The following DNAH8 variants were observed in gnomAD, a reference collection of about 807,000 sequenced individuals.
The protein encoded by DNAH8 is axonemal beta dynein heavy chain 8.
A neutral mutation model predicts 562.1 loss-of-function variants in DNAH8; 382 were observed. The ratio of observed to expected loss-of-function variants is 0.68; its 90% confidence interval spans 0.63 to 0.74. The LOEUF (loss-of-function observed/expected upper bound fraction) is 0.74, where lower values mean the gene tolerates loss of function less well. Among genes scored for constraint, DNAH8 ranks in the 30% least tolerant of loss-of-function variants. The probability of loss-of-function intolerance (pLI) is 0.00; values close to 1 mark genes in which losing one functional copy is unlikely to be tolerated. For missense variants in DNAH8, 5,203 were observed against 5,620.4 expected (o/e 0.93, Z 2.37); for synonymous variants, 1,881 against 1,919.4 (o/e 0.98, Z 0.52).
chr6:38,941,537 G>C (rs116373161), intron 79 of DNAH8, among the ~76,000 whole-genome samples: 2 of 152,162 alleles, frequency 1.3e-5, no homozygotes, highest in Non-Finnish European at 2.9e-5. Flanking sequence ...TATGGAAGTT[G>C]GTTTTTTAAG....
chr6:38,999,576 T>C (rs1466085539), intron 88 of DNAH8, among the ~76,000 whole-genome samples: 1 of 152,012 alleles, frequency 6.6e-6, no homozygotes. Context: ...TCTCCTGTGT[T>C]TTGAGGACTA....
chr6:38,807,543 T>C (rs1425171169), intron 23 of DNAH8, 67 bp from the exon 24 acceptor site: 6 of 718,714 alleles, frequency 8.3e-6, no homozygotes, highest in East Asian at 3.0e-5. Flanking sequence ...TATTCTGTCA[T>C]TGTTTTGGGG....
Position 38,722,850 on chromosome 6 carries a change from C to T in DNAH8, c.41C>T (p.Ala14Val). 6.2e-7 allele frequency: 1 copy of T among 1,608,844 alleles called. No individual in the cohort carries two copies. The highest frequency in any genetic ancestry group is 1.1e-5 in the South Asian group (1 of 90,664). Residue 14 changes from alanine (A) to valine (V), a missense_variant, in exon 2 of 93, where the codon GCA becomes GTA. Physicochemically the swap from Ala to Val is moderately conservative, Grantham distance 64 (BLOSUM62 0). Coordinates refer to ENST00000327475, the MANE Select transcript of DNAH8 (RefSeq NM_001206927.2). ...GAAGATGGCGCCCCTTCTGAGGGAG[C>T]AGAGGCTCCTCCCTCTACGGAAGAG... is the stretch of plus-strand genomic sequence containing the variant. The part of the protein sequence containing the change: ...DAEDGAPSEG[A>V]EAPPSTEEAA...
intron 10 of DNAH8, among the ~76,000 whole-genome samples, chr6:38,761,285 A>G (rs1387314661): frequency 2.1e-5 from 2 of 97,342 alleles, no homozygotes; most frequent in Non-Finnish European, 3.8e-5. Context: ...AACAGTCCCC[A>G]GAGTGTGATG....
chr6:38,826,425 G>A (rs1286211302), intron 29 of DNAH8, 34 bp downstream of exon 29: 7 of 1,421,784 alleles, frequency 4.9e-6, no homozygotes, highest in African/African-American at 1.4e-5. Flanking sequence ...TTCTTGGAAT[G>A]CTTTTTTGTT....
intron 41 of DNAH8, among the ~76,000 whole-genome samples, chr6:38,855,322 C>G (rs971169992): frequency 6.6e-6 from 1 of 151,998 alleles, no homozygotes; most frequent in Non-Finnish European, 1.5e-5. Flanking sequence ...CACACGTTTA[C>G]CTATGTAAGA....
At chr6:38,759,360 C>A (rs1678672) in intron 10 of DNAH8, among the ~76,000 whole-genome samples, 17,532 of 151,872 alleles carry the variant, frequency 0.12, 1,791 homozygotes, top group East Asian at 0.44. Flanking sequence ...AACGAAAAAA[C>A]CCACATGAAT....
intron 33 of DNAH8, among the ~76,000 whole-genome samples, chr6:38,841,788 G>GCT (rs1438413234): frequency 1.3e-5 from 2 of 151,850 alleles, no homozygotes; most frequent in Non-Finnish European, 2.9e-5. Flanking sequence ...TGCAATCATA[G>GCT]CTCACTGCAT....
chr6:38,761,574 G>A, intron 10 of DNAH8, 128 bp from the exon 11 acceptor site: 1 of 477,430 alleles, frequency 2.1e-6, no homozygotes. Context: ...GGGATTACAG[G>A]CATGAGCCAC....
At chr6:38,873,727 TACACAC>T (rs762717515) in intron 52 of DNAH8, among the ~76,000 whole-genome samples, 3,042 of 96,446 alleles carry the variant, frequency 0.032, 107 homozygotes, top group African/African-American at 0.089. Context: ...CACATACACC[TACACAC>T]ACACACACAC....
chr6:38,938,307 A>G (rs1783133312), intron 78 of DNAH8, 81 bp downstream of exon 78: 2 of 1,484,972 alleles, frequency 1.3e-6, no homozygotes, highest in African/African-American at 2.8e-5. Flanking sequence ...TTGCTTTTTC[A>G]CTATTCACAA....
intron 58 of DNAH8, among the ~76,000 whole-genome samples, chr6:38,892,375 C>T (rs1285555985): frequency 6.6e-6 from 1 of 152,198 alleles, no homozygotes; most frequent in Non-Finnish European, 1.5e-5. Context: ...CATGTCCAAA[C>T]AGAACTCCTA....
At chr6:38,924,834 A>G (rs950958129) in intron 73 of DNAH8, 3 of 152,156 alleles carry the variant, frequency 2.0e-5, no homozygotes, top group Admixed American at 6.5e-5. Flanking sequence ...ATTATTTGCT[A>G]TCTTTTTTAG....
chr6:38,849,756 A>G (rs962370324), intron 37 of DNAH8, among the ~76,000 whole-genome samples: 4 of 152,172 alleles, frequency 2.6e-5, no homozygotes, highest in African/African-American at 9.6e-5. Context: ...TTCATAGTAA[A>G]TAGAAAATTT....
At chr6:38,966,800 GC>G (rs1307386960) in intron 82 of DNAH8, among the ~76,000 whole-genome samples, 4 of 152,272 alleles carry the variant, frequency 2.6e-5, no homozygotes, top group African/African-American at 9.6e-5. Context: ...AGACTGGGTA[GC>G]TTATAAGCAT....
chr6:38,981,188 T>C (rs1425220582), intron 85 of DNAH8, among the ~76,000 whole-genome samples: 1 of 152,166 alleles, frequency 6.6e-6, no homozygotes, highest in African/African-American at 2.4e-5. Flanking sequence ...CCTTAGGCAC[T>C]AGAATTAGGG....
At chr6:38,762,887 C>T (rs188606309) in intron 11 of DNAH8, 94 of 265,594 alleles carry the variant, frequency 3.5e-4, no homozygotes, top group African/African-American at 2.2e-3. Context: ...TTGCTCTGAC[C>T]TCTGAACTGG....
chr6:38,953,975 C>T (rs563648536), intron 82 of DNAH8, among the ~76,000 whole-genome samples: 1 of 152,052 alleles, frequency 6.6e-6, no homozygotes, highest in South Asian at 2.1e-4. Flanking sequence ...CTTTCTTTTT[C>T]ATTCCTTCTC....
intron 62 of DNAH8, 146 bp downstream of exon 62, chr6:38,900,052 T>G: frequency 1.5e-6 from 1 of 660,862 alleles, no homozygotes; most frequent in Non-Finnish European, 2.3e-6. Context: ...TTTACGCAAG[T>G]GTCACAAAGT....
Sources: allele counts gnomAD v4.1 joint callset (sites outside exome capture counted in the v4.1 genomes callset), GRCh38; gene constraint gnomAD v4.1.1; transcripts MANE v1.5; gene names NCBI Gene and HGNC (gene_info 2026-07-23, HGNC 2026-07-21).